PARD3B: variants seen among roughly 807,000 people sequenced by gnomAD.
PARD3B encodes par-3 family cell polarity regulator beta.
A neutral mutation model predicts 130.2 loss-of-function variants in PARD3B; 103 were observed. That is an observed-to-expected ratio of 0.79 (90% confidence interval 0.67 to 0.93). The LOEUF is 0.93. Ranked by LOEUF, PARD3B falls within the 40% of genes least tolerant of loss-of-function variation. PARD3B has a pLI of 0.00. For synonymous variants in PARD3B, 583 were observed against 553.2 expected, an observed-to-expected ratio of 1.05 and a Z score of -0.76; for missense variants, 1,609 against 1,499.2, an observed-to-expected ratio of 1.07 and a Z score of -1.21.
intron 5 of PARD3B, among the ~76,000 whole-genome samples, chr2:205,107,268 T>G (rs1703293416): frequency 6.6e-6 from 1 of 152,204 alleles, no homozygotes; most frequent in Non-Finnish European, 1.5e-5. Flanking sequence ...ACCACAGAAT[T>G]TATCAAGCCA....
intron 2 of PARD3B, among the ~76,000 whole-genome samples, chr2:204,692,822 A>G (rs2037418038): frequency 6.6e-6 from 1 of 152,070 alleles, no homozygotes; most frequent in Non-Finnish European, 1.5e-5. Flanking sequence ...TTATAGAATT[A>G]CAAAATTGTA....
intron 19 of PARD3B, among the ~76,000 whole-genome samples, chr2:205,403,323 C>G (rs2046315801): frequency 6.6e-6 from 1 of 152,118 alleles, no homozygotes; most frequent in South Asian, 2.1e-4. Context: ...CTTGTACCAG[C>G]TTATAGGAAC....
At chr2:205,020,875 G>A (rs1696542319) in intron 3 of PARD3B, among the ~76,000 whole-genome samples, 1 of 152,088 alleles carries the variant, frequency 6.6e-6, no homozygotes, top group South Asian at 2.1e-4. Context: ...AGCAAACAAG[G>A]CAAAGGTTAA....
chr2:205,054,976 A>C (rs534843214), intron 4 of PARD3B, among the ~76,000 whole-genome samples: 1 of 152,158 alleles, frequency 6.6e-6, no homozygotes, highest in African/African-American at 2.4e-5. Context: ...CAGTATCTCT[A>C]TTAGCTGTTA....
At chr2:205,422,582 T>A (rs2047007273) in intron 19 of PARD3B, among the ~76,000 whole-genome samples, 1 of 152,130 alleles carries the variant, frequency 6.6e-6, no homozygotes, top group Admixed American at 6.6e-5. Flanking sequence ...TTTCCCCACA[T>A]CTAAAACTTA....
At chr2:205,447,041 T>C (rs1013209069) in intron 20 of PARD3B, among the ~76,000 whole-genome samples, 1 of 152,140 alleles carries the variant, frequency 6.6e-6, no homozygotes, top group Non-Finnish European at 1.5e-5. Context: ...AAGAAAAAAA[T>C]TGCTTTCGGG....
chr2:204,833,510 A>T (rs1245922085), intron 2 of PARD3B, among the ~76,000 whole-genome samples: 1 of 152,024 alleles, frequency 6.6e-6, no homozygotes, highest in African/African-American at 2.4e-5. Context: ...CTTATCTTGA[A>T]TTGGAGCTCC....
intron 2 of PARD3B, among the ~76,000 whole-genome samples, chr2:204,874,941 C>G (rs371351866): frequency 2.0e-5 from 3 of 152,138 alleles, no homozygotes; most frequent in African/African-American, 7.2e-5. Context: ...AATAGTATTC[C>G]ACTGCATGAA....
chr2:205,351,653 T>C lies in PARD3B; in HGVS notation c.2631-49360T>C, dbSNP rs191866387. Among the ~76,000 whole-genome samples, 567 of 152,276 alleles carry C rather than the reference T, an allele frequency of 3.7e-3. No individual in the cohort carries two copies. Among genetic ancestry groups the C allele is most frequent in the Non-Finnish European group, 6.8e-3 (463 of 68,002 alleles). On this transcript the variant is annotated intron_variant, in intron 18 of 22. Transcript: ENST00000406610. This position sits in a 1 kb window ranked among gnomAD's most constrained non-coding sequence, Gnocchi z 4.2. ...AACACAGGAGCCACTGCCTTGGAAA[T>C]TGGAGGCAGTTATTTCATTTCCGGT...
chr2:205,367,514 T>C (rs1361096547), intron 18 of PARD3B, among the ~76,000 whole-genome samples: 1 of 152,190 alleles, frequency 6.6e-6, no homozygotes, highest in Non-Finnish European at 1.5e-5. Context: ...TAAAAAACAC[T>C]AGGGACTCCC....
chr2:205,575,113 A>ACACACACGCG lies in PARD3B; in HGVS notation c.3260+21711_3260+21712insACACACGCGC, dbSNP rs141496657. 2.4e-5 allele frequency among the ~76,000 whole-genome samples: 3 copies of ACACACACGCG among 126,286 alleles called. No homozygotes were observed. The highest frequency in any genetic ancestry group is 5.3e-5 in the Non-Finnish European group (3 of 56,388). 82.8% of individuals were successfully genotyped at this position (126,286 alleles called of 152,430 possible). A position where few individuals can be genotyped will look rare whatever the true frequency, so the allele number is the denominator to read the frequency against. On this transcript the variant is annotated intron_variant, in intron 22 of 22. Transcript: ENST00000406610. The surrounding 1 kb of genome is among the most constrained non-coding windows in gnomAD (Gnocchi z 4.6). ...CACACACACACACACACACACACAC[A>ACACACACGCG]CGCGTACACTATATATAAAAATATA...
intron 2 of PARD3B, among the ~76,000 whole-genome samples, chr2:204,871,825 G>A (rs1247738830): frequency 6.6e-6 from 1 of 152,048 alleles, no homozygotes. Flanking sequence ...TGTATACAAG[G>A]CCAGTGGCTC....
intron 18 of PARD3B, among the ~76,000 whole-genome samples, chr2:205,350,005 G>C (rs1214958550): frequency 2.0e-5 from 3 of 151,958 alleles, no homozygotes; most frequent in Non-Finnish European, 4.4e-5. Context: ...CTGACATAAG[G>C]CCTCTGGTTT....
chr2:205,469,238 T>C (rs1192774897), intron 20 of PARD3B, among the ~76,000 whole-genome samples: 5 of 152,210 alleles, frequency 3.3e-5, no homozygotes, highest in African/African-American at 9.7e-5. Context: ...TACCCTTAGC[T>C]ACATGACTTC....
At chr2:205,308,991 A>G (rs886175407) in intron 18 of PARD3B, among the ~76,000 whole-genome samples, 3 of 152,248 alleles carry the variant, frequency 2.0e-5, no homozygotes, top group African/African-American at 7.2e-5. Flanking sequence ...CCCAAGCTAC[A>G]CTGAATTTTC....
intron 2 of PARD3B, among the ~76,000 whole-genome samples, chr2:204,819,870 A>C (rs547019780): frequency 5.9e-4 from 90 of 152,222 alleles, no homozygotes; most frequent in African/African-American, 2.0e-3. Context: ...CAGTTTAACG[A>C]AGGCTGAGAA....
intron 20 of PARD3B, among the ~76,000 whole-genome samples, chr2:205,464,899 A>G (rs571398607): frequency 2.2e-4 from 34 of 152,282 alleles, no homozygotes; most frequent in Middle Eastern, 3.4e-3. Context: ...AAAAACACCC[A>G]TGAGACCCCT....
rs1419951237 is a variant in PARD3B at position 205,265,327 on chromosome 2, G to A, written c.2185+19505G>A. ...ATGGAATCGATGCACTTTCAAGTTG[G>A]CGGATCTGATCATCAGTCTCTAAAT... On this transcript the variant is annotated intron_variant, in intron 16 of 22. Transcript: ENST00000406610. The surrounding 1 kb of genome is among the most constrained non-coding windows in gnomAD (Gnocchi z 4.3). Among the ~76,000 whole-genome samples the A allele has an allele frequency of 1.3e-5, 2 of 151,968 alleles. No individual in the cohort carries two copies. Among genetic ancestry groups the A allele is most frequent in the African/African-American group, 4.8e-5 (2 of 41,412 alleles).
chr2:205,374,109 A>T (rs955171365), intron 18 of PARD3B, among the ~76,000 whole-genome samples: 1 of 152,176 alleles, frequency 6.6e-6, no homozygotes, highest in African/African-American at 2.4e-5. Context: ...GCAAAAGAGA[A>T]AGAGGGAAAT....
Sources: gnomAD v4.1 joint callset for allele counts (sites outside exome capture counted in the v4.1 genomes callset) on GRCh38, gnomAD v4.1.1 for gene constraint, Gnocchi (gnomAD v3.1) non-coding constraint, MANE v1.5 for transcripts, NCBI Gene and HGNC (gene_info 2026-07-23, HGNC 2026-07-21) for gene names.